Variants in CXADR observed in about 807,000 individuals in gnomAD.
The protein encoded by CXADR is CXADR cell adhesion molecule.
CXADR carries 20 observed loss-of-function variants against 40.3 expected under a neutral mutation model. The observed-to-expected ratio is 0.50, with a 90% CI of 0.35 to 0.72. CXADR has a LOEUF of 0.72. Ranked by LOEUF, CXADR falls within the 30% of genes least tolerant of loss-of-function variation. The probability of loss-of-function intolerance (pLI) is 0.01; values close to 1 mark genes in which losing one functional copy is unlikely to be tolerated. For missense variants in CXADR, 332 were observed against 449.1 expected (o/e 0.74, Z 2.36); for synonymous variants, 150 against 161.3 (o/e 0.93, Z 0.53).
At chr21:17,594,434 ATC>A, downstream of CXADR, 1 of 1,360,130 alleles carries the variant, frequency 7.4e-7, no homozygotes, top group African/African-American at 1.5e-5. Flanking sequence ...CAACACTGAG[ATC>A]ACATCTAAGT....
chr21:17,522,522 C>T (rs1214029905), intron 1 of CXADR, among the ~76,000 whole-genome samples: 1 of 152,094 alleles, frequency 6.6e-6, no homozygotes, highest in Non-Finnish European at 1.5e-5. Context: ...TCTTTCATGC[C>T]CACTAATTCT....
the CXADR span, chr21:17,598,737 C>A: frequency 1.2e-6 from 2 of 1,614,064 alleles, no homozygotes. Context: ...TATCAAGGGC[C>A]CTGGTAACTT....
chr21:17,542,444 T>TA (rs942300458), intron 1 of CXADR, among the ~76,000 whole-genome samples: 1 of 152,108 alleles, frequency 6.6e-6, no homozygotes, highest in African/African-American at 2.4e-5. Context: ...CATCAAGGGC[T>TA]AAAAAAATAC....
downstream of CXADR, among the ~76,000 whole-genome samples, chr21:17,572,969 G>A (rs905089807): frequency 6.6e-6 from 1 of 152,158 alleles, no homozygotes; most frequent in African/African-American, 2.4e-5. Context: ...ATTTCTATGT[G>A]TGATTGTATT....
intron 1 of CXADR, among the ~76,000 whole-genome samples, chr21:17,515,330 C>G (rs1324087712): frequency 6.6e-6 from 1 of 152,064 alleles, no homozygotes; most frequent in East Asian, 1.9e-4. Context: ...TTGTCATAGT[C>G]CCAGCTACGC....
chr21:17,626,008 C>T, the CXADR span, among the ~76,000 whole-genome samples: 3 of 152,190 alleles, frequency 2.0e-5, no homozygotes, highest in African/African-American at 4.8e-5. Context: ...TTTTTGAGAA[C>T]CATTAGCCCA....
chr21:17,550,353 A>AAG (rs1407106250), intron 2 of CXADR, among the ~76,000 whole-genome samples: 1 of 150,080 alleles, frequency 6.7e-6, no homozygotes, highest in Non-Finnish European at 1.5e-5. Context: ...GACTGTCTCA[A>AAG]AAAAAAAAAA....
chr21:17,570,568 T>C (rs2061269847), downstream of CXADR, among the ~76,000 whole-genome samples: 1 of 152,144 alleles, frequency 6.6e-6, no homozygotes, highest in Non-Finnish European at 1.5e-5. Context: ...CTCTAGCCTC[T>C]TTCATAAGGC....
chr21:17,563,449 G>A (rs534917248), intron 6 of CXADR, among the ~76,000 whole-genome samples: 1 of 151,976 alleles, frequency 6.6e-6, no homozygotes, highest in African/African-American at 2.4e-5. Flanking sequence ...GGGGGGGATG[G>A]CCAGAACACA....
chr21:17,564,719 A>C (rs1218531992), intron 6 of CXADR, among the ~76,000 whole-genome samples: 1 of 152,022 alleles, frequency 6.6e-6, no homozygotes, highest in Admixed American at 6.5e-5. Flanking sequence ...TTTTTTAAAA[A>C]ATTTTAAAAT....
the CXADR span, among the ~76,000 whole-genome samples, chr21:17,631,427 A>G: frequency 6.6e-6 from 1 of 152,266 alleles, no homozygotes; most frequent in East Asian, 1.9e-4. Context: ...CAAAGTGTCA[A>G]ATAAAAGTAC....
chr21:17,577,895 T>C (rs542286045), intron 7 of CXADR, among the ~76,000 whole-genome samples: 1 of 152,268 alleles, frequency 6.6e-6, no homozygotes, highest in South Asian at 2.1e-4. Context: ...TATGCAATAT[T>C]TGTCCTCCTG....
chr21:17,608,101 T>A, the CXADR span, among the ~76,000 whole-genome samples: 1 of 152,174 alleles, frequency 6.6e-6, no homozygotes, highest in South Asian at 2.1e-4. Context: ...GCATGGTGGC[T>A]CACGCCTGTA....
chr21:17,598,602 T>A, the CXADR span: 1 of 1,609,834 alleles, frequency 6.2e-7, no homozygotes, highest in East Asian at 2.2e-5. Context: ...AAAACTGAGC[T>A]GTTTTCATGG....
At chr21:17,629,182 C>A in the CXADR span, among the ~76,000 whole-genome samples, 3 of 151,954 alleles carry the variant, frequency 2.0e-5, no homozygotes, top group African/African-American at 7.3e-5. Context: ...GAGTTTGAGA[C>A]CAGTCTGGCC....
chr21:17,586,705 C>A (rs1431085102), intron 7 of CXADR, among the ~76,000 whole-genome samples: 1 of 151,698 alleles, frequency 6.6e-6, no homozygotes, highest in African/African-American at 2.4e-5. Flanking sequence ...AGCCAAATAC[C>A]TATTAATTTT....
the CXADR span, among the ~76,000 whole-genome samples, chr21:17,625,827 C>G: frequency 6.6e-6 from 1 of 152,164 alleles, no homozygotes. Flanking sequence ...GTTACTATTT[C>G]TTCTTTTTCT....
intron 7 of CXADR, among the ~76,000 whole-genome samples, chr21:17,592,628 ATTT>A (rs886549008): frequency 2.6e-5 from 4 of 151,262 alleles, no homozygotes; most frequent in Non-Finnish European, 5.9e-5. Context: ...TCTGAAAGTA[ATTT>A]TTTTTTCCTT....
intron 1 of CXADR, among the ~76,000 whole-genome samples, chr21:17,540,895 G>A (rs937933817): frequency 3.9e-5 from 6 of 151,988 alleles, no homozygotes; most frequent in Admixed American, 1.3e-4. Context: ...AATATGTTAC[G>A]TTATTCTAAT....
Sources: allele counts gnomAD v4.1 joint callset (sites outside exome capture counted in the v4.1 genomes callset), GRCh38; gene constraint gnomAD v4.1.1; transcripts MANE v1.5; gene names NCBI Gene and HGNC (gene_info 2026-07-23, HGNC 2026-07-21).